The following CBLB variants were observed in gnomAD, a reference collection of about 807,000 sequenced individuals.
The protein encoded by CBLB is Cbl proto-oncogene B.
A neutral mutation model predicts 104.9 loss-of-function variants in CBLB; 31 were observed. The observed-to-expected ratio is 0.30, with a 90% CI of 0.22 to 0.40. The LOEUF (loss-of-function observed/expected upper bound fraction) is 0.40. Among genes scored for constraint, CBLB ranks in the 10% least tolerant of loss-of-function variants. The probability of loss-of-function intolerance (pLI) is 1.00; values close to 1 mark genes in which losing one functional copy is unlikely to be tolerated. For synonymous variants in CBLB, 440 were observed against 422.6 expected, an observed-to-expected ratio of 1.04 and a Z score of -0.51; for missense variants, 1,062 against 1,214.6, an observed-to-expected ratio of 0.87 and a Z score of 1.87.
intron 7 of CBLB, 99 bp from the exon 8 acceptor site, chr3:105,737,357 A>T (rs1695160643): frequency 5.3e-6 from 3 of 570,296 alleles, no homozygotes; most frequent in Non-Finnish European, 9.4e-6. Context: ...ATACATTTGG[A>T]TGTTTCCTTT....
At chr3:105,797,043 T>C (rs1338890493) in intron 3 of CBLB, among the ~76,000 whole-genome samples, 3 of 152,172 alleles carry the variant, frequency 2.0e-5, no homozygotes. Flanking sequence ...TCAAAGTACT[T>C]AAAACAGAAT....
Position 105,693,543 on chromosome 3 carries a change from G to A in CBLB, c.2005C>T (p.Pro669Ser), listed in dbSNP as rs766393459. 3 of 1,612,768 alleles carry A rather than the reference G, an allele frequency of 1.9e-6. No individual in the cohort carries two copies. In the South Asian group the frequency reaches 3.3e-5, roughly 18 times the overall value. Reference protein sequence around the residue: ...HLGSEEYDVPPRLSPPPPVTT... With the variant: ...HLGSEEYDVPSRLSPPPPVTT... ...ACTGGAGGAGGAGGAGAAAGCCGGGGAGGAACATCATATTCTTCACTTCCA... is the reference window on the plus strand; with the variant it reads ...ACTGGAGGAGGAGGAGAAAGCCGGGAAGGAACATCATATTCTTCACTTCCA... Residue 669 changes from proline to serine, a missense_variant, in exon 13 of 19, where the codon CCC becomes TCC. Physicochemically the swap from Pro to Ser is moderately conservative, Grantham distance 74. Around this residue, in one of 2 missense-constraint regions of CBLB, gnomAD observed 605 missense variants for 582.6 expected, o/e 1.04. Coordinates refer to ENST00000394030, the MANE Select transcript of CBLB (RefSeq NM_170662.5).
At chr3:105,715,541 A>C (rs1466507927) in intron 10 of CBLB, among the ~76,000 whole-genome samples, 1 of 152,212 alleles carries the variant, frequency 6.6e-6, no homozygotes, top group Admixed American at 6.5e-5. Context: ...TTTCCATGCT[A>C]CGATGGCAGC....
chr3:105,849,066 C>T lies in CBLB; in HGVS notation c.419+4348G>A, dbSNP rs79692080. ...ATGAAAACATGCTAAGAAGACTCTT[C>T]TGTGTTCTGTAGAGCAAAATGCCTC... On this transcript the variant is annotated intron_variant, in intron 3 of 18. Transcript: ENST00000394030. 6.4e-3 allele frequency among the ~76,000 whole-genome samples: 974 copies of T among 152,212 alleles called. 31 individuals are homozygous for T. Among genetic ancestry groups the T allele is most frequent in the East Asian group, 0.054 (282 of 5,176 alleles).
At position 105,865,473 on chromosome 3, in the gene CBLB, G is replaced by A; in HGVS notation, c.168+1937C>T. On this transcript the variant is annotated intron_variant, in intron 2 of 18. Transcript: ENST00000394030. ...GAGACTTTTGATAATAGATTTCCTT[G>A]TTGGGTCAAGTTTCTCAATTGGAGA... Among the ~76,000 whole-genome samples the A allele has an allele frequency of 1.3e-5, 2 of 152,048 alleles. 1 individual carries two copies. The highest frequency in any genetic ancestry group is 1.3e-4 in the Admixed American group (2 of 15,270).
At chr3:105,687,595 G>A (rs566794402) in intron 13 of CBLB, among the ~76,000 whole-genome samples, 12 of 151,948 alleles carry the variant, frequency 7.9e-5, no homozygotes, top group African/African-American at 2.6e-4. Flanking sequence ...AGTGGTGTTT[G>A]TATCTAAATA....
At chr3:105,863,045 CAGAT>C (rs2092219661) in intron 2 of CBLB, among the ~76,000 whole-genome samples, 1 of 152,166 alleles carries the variant, frequency 6.6e-6, no homozygotes. Context: ...ATGAAATCAA[CAGAT>C]AGCACATAAA....
At chr3:105,760,488 T>C (rs969866196) in intron 4 of CBLB, among the ~76,000 whole-genome samples, 6 of 152,150 alleles carry the variant, frequency 3.9e-5, no homozygotes, top group African/African-American at 1.2e-4. Context: ...TTATGCAAGA[T>C]ACCTTTGATA....
intron 4 of CBLB, among the ~76,000 whole-genome samples, chr3:105,754,151 TA>T: frequency 6.6e-6 from 1 of 151,442 alleles, no homozygotes; most frequent in East Asian, 1.9e-4. Flanking sequence ...GGAACAGAGG[TA>T]GGGGGAAGGG....
At chr3:105,720,315 A>G (rs2072611267) in intron 9 of CBLB, 65 bp from the exon 10 acceptor site, 1 of 1,420,050 alleles carries the variant, frequency 7.0e-7, no homozygotes, top group Admixed American at 1.9e-5. Context: ...AAATGCTAAT[A>G]ATGTTCTACA....
chr3:105,817,413 G>A (rs2085214625), intron 3 of CBLB, among the ~76,000 whole-genome samples: 1 of 152,160 alleles, frequency 6.6e-6, no homozygotes, highest in African/African-American at 2.4e-5. Context: ...AAAAGGATGA[G>A]TAGCCATGGG....
At chr3:105,777,278 C>G (rs1426172122) in intron 3 of CBLB, among the ~76,000 whole-genome samples, 1 of 152,192 alleles carries the variant, frequency 6.6e-6, no homozygotes. Context: ...TAGATATATG[C>G]ATATTTTAGA....
Position 105,681,467 on chromosome 3 carries a change from A to G in CBLB, c.2428+12T>C. ...GGGGTGGGTTGTTCAAAACTTTTTT[A>G]AAGGTTTCAACCTAATGGAGGGATG... is the stretch of plus-strand genomic sequence containing the variant. On this transcript the variant is annotated intron_variant, in intron 16 of 18. Transcript: ENST00000394030. The G allele has an allele frequency of 1.2e-6, 2 of 1,613,842 alleles. No individual in the cohort carries two copies. The highest frequency in any genetic ancestry group is 1.1e-5 in the South Asian group (1 of 91,072).
chr3:105,685,747 G>T (rs2152739342), intron 13 of CBLB, among the ~76,000 whole-genome samples: 1 of 152,160 alleles, frequency 6.6e-6, no homozygotes, highest in South Asian at 2.1e-4. Flanking sequence ...AAAGATGTTG[G>T]ATTTGTAAGA....
At chr3:105,712,922 ATAACT>A (rs1185357279) in intron 10 of CBLB, among the ~76,000 whole-genome samples, 1 of 152,164 alleles carries the variant, frequency 6.6e-6, no homozygotes, top group African/African-American at 2.4e-5. Flanking sequence ...AAAAATACTA[ATAACT>A]TAATTCTTAG....
intron 4 of CBLB, among the ~76,000 whole-genome samples, chr3:105,754,523 C>CAGAG (rs1207514486): frequency 0.018 from 1,882 of 102,744 alleles, 48 homozygotes; most frequent in East Asian, 0.053. Context: ...GAGAGAGAGA[C>CAGAG]AGAGAGAGAG....
chr3:105,820,008 T>C (rs953089040), intron 3 of CBLB, among the ~76,000 whole-genome samples: 1 of 152,164 alleles, frequency 6.6e-6, no homozygotes, highest in Non-Finnish European at 1.5e-5. Flanking sequence ...CATTGTAATA[T>C]ATAATGAAAT....
Position 105,715,978 on chromosome 3 carries a change from G to A in CBLB, c.1407+4069C>T, listed in dbSNP as rs577823180. Among the ~76,000 whole-genome samples the A allele has an allele frequency of 9.4e-4, 143 of 152,336 alleles. 1 individual carries two copies. Among genetic ancestry groups the A allele is most frequent in the African/African-American group, 3.4e-3 (142 of 41,574 alleles). Reference sequence around the variant, plus strand: ...CACTTGAACCAGGGAGGCAGAGGTTGCAGTGAACCAAGATAGTGCCACTGC... The same window carrying A: ...CACTTGAACCAGGGAGGCAGAGGTTACAGTGAACCAAGATAGTGCCACTGC... On this transcript the variant is annotated intron_variant, in intron 10 of 18. Transcript: ENST00000394030.
rs779903483 is a variant in CBLB at position 105,852,874 on chromosome 3, C to A, written c.419+540G>T. Among the ~76,000 whole-genome samples the A allele has an allele frequency of 2.0e-5, 3 of 152,188 alleles. No homozygotes were observed. In the South Asian group the frequency reaches 6.2e-4, roughly 32 times the overall value. ...CTGGGATTACAGGCGTGTGCCACCACGCCGGGCTAATTTTGTATTTTTAGT... is the reference window on the plus strand; with the variant it reads ...CTGGGATTACAGGCGTGTGCCACCAAGCCGGGCTAATTTTGTATTTTTAGT... On this transcript the variant is annotated intron_variant, in intron 3 of 18. Transcript: ENST00000394030.
Sources: allele counts gnomAD v4.1 joint callset (sites outside exome capture counted in the v4.1 genomes callset), GRCh38; gene constraint gnomAD v4.1.1; regional missense constraint gnomAD v4.1.1; transcripts MANE v1.5; gene names NCBI Gene and HGNC (gene_info 2026-07-23, HGNC 2026-07-21).